The following FOXP2 variants were observed in gnomAD, a reference collection of about 807,000 sequenced individuals.
FOXP2 encodes the protein forkhead box P2, also known as forkhead box protein P2.
In FOXP2, 12 loss-of-function variants were observed where a neutral mutation model predicts 115.8. That is an observed-to-expected ratio of 0.10 (90% CI 0.07 to 0.17). The LOEUF (loss-of-function observed/expected upper bound fraction) is 0.17, where lower values mean the gene tolerates loss of function less well. Among genes scored for constraint, FOXP2 ranks in the 10% least tolerant of loss-of-function variants. The probability of loss-of-function intolerance (pLI) is 1.00; values close to 1 mark genes in which losing one functional copy is unlikely to be tolerated. For synonymous variants in FOXP2, 328 were observed against 297.7 expected, an observed-to-expected ratio of 1.10 and a Z score of -1.05; for missense variants, 629 against 843.5, an observed-to-expected ratio of 0.75 and a Z score of 3.15.
At chr7:114,467,286 A>C (rs1795844906) in intron 2 of FOXP2, among the ~76,000 whole-genome samples, 1 of 152,216 alleles carries the variant, frequency 6.6e-6, no homozygotes, top group Admixed American at 6.5e-5. Flanking sequence ...TGTGATACTC[A>C]TTTTAAATAT....
chr7:114,182,666 T>C (rs1161316621), intron 1 of FOXP2, among the ~76,000 whole-genome samples: 1 of 151,744 alleles, frequency 6.6e-6, no homozygotes, highest in Non-Finnish European at 1.5e-5. Context: ...AGTCATATAA[T>C]TAAAAGGCCT....
intron 2 of FOXP2, among the ~76,000 whole-genome samples, chr7:114,474,254 AG>A (rs1319412061): frequency 6.6e-6 from 1 of 152,222 alleles, no homozygotes; most frequent in East Asian, 1.9e-4. Flanking sequence ...AAATCTAAAG[AG>A]TATAACAGGA....
chr7:114,614,348 G>A (rs1271377529), intron 3 of FOXP2, among the ~76,000 whole-genome samples: 2 of 152,124 alleles, frequency 1.3e-5, no homozygotes, highest in Non-Finnish European at 1.5e-5. Context: ...ACCAACTGTA[G>A]TACGTTGCCC....
At chr7:114,533,820 A>G (rs1008935652) in intron 2 of FOXP2, among the ~76,000 whole-genome samples, 2 of 151,908 alleles carry the variant, frequency 1.3e-5, no homozygotes, top group African/African-American at 4.8e-5. Context: ...TAGCTTTTAT[A>G]TGTTAAGTTT....
chr7:114,493,728 T>C (rs372199392), intron 2 of FOXP2, among the ~76,000 whole-genome samples: 2 of 151,988 alleles, frequency 1.3e-5, no homozygotes, highest in East Asian at 3.9e-4. Context: ...GTGGATTTAC[T>C]AAAGAAAACT....
intron 1 of FOXP2, among the ~76,000 whole-genome samples, chr7:114,225,272 CT>C (rs1006879527): frequency 1.1e-4 from 17 of 151,948 alleles, no homozygotes; most frequent in Non-Finnish European, 1.3e-4. Flanking sequence ...GCATTTACTT[CT>C]TGCTGTAAAT....
At chr7:114,183,221 C>G (rs1793502464) in intron 1 of FOXP2, among the ~76,000 whole-genome samples, 1 of 152,118 alleles carries the variant, frequency 6.6e-6, no homozygotes, top group African/African-American at 2.4e-5. Context: ...ACTTTTGCAT[C>G]AATTTTTAAT....
intron 2 of FOXP2, among the ~76,000 whole-genome samples, chr7:114,454,229 A>C (rs986920572): frequency 3.3e-4 from 51 of 152,278 alleles, no homozygotes; most frequent in East Asian, 2.5e-3. Flanking sequence ...GACACTTCTC[A>C]AAAGAAGACA....
chr7:114,399,119 T>TC (rs1180229990), intron 2 of FOXP2, among the ~76,000 whole-genome samples: 16 of 151,168 alleles, frequency 1.1e-4, no homozygotes, highest in Non-Finnish European at 2.1e-4. Flanking sequence ...TTTTTCTTTT[T>TC]TTTTTTTTTG....
intron 13 of FOXP2, 48 bp from the exon 14 acceptor site, chr7:114,662,017 T>C (rs548817951): frequency 6.2e-6 from 10 of 1,608,246 alleles, no homozygotes; most frequent in African/African-American, 5.3e-5. Context: ...GCTGCCTTAT[T>C]AGACAATATT....
At chr7:114,473,051 A>G (rs954673502) in intron 2 of FOXP2, among the ~76,000 whole-genome samples, 9 of 152,362 alleles carry the variant, frequency 5.9e-5, no homozygotes, top group Admixed American at 3.3e-4. Flanking sequence ...CACACTTTGT[A>G]GATCAGGATA....
chr7:114,379,077 T>C (rs1236475098), intron 2 of FOXP2, among the ~76,000 whole-genome samples: 1 of 152,074 alleles, frequency 6.6e-6, no homozygotes, highest in Non-Finnish European at 1.5e-5. Context: ...TTTATTTTTA[T>C]TTTTATTTTT....
chr7:114,429,141 C>T (rs1793996784), intron 2 of FOXP2, among the ~76,000 whole-genome samples: 1 of 151,262 alleles, frequency 6.6e-6, no homozygotes, highest in South Asian at 2.1e-4. Flanking sequence ...CTTAAATTAG[C>T]CATGTATTTA....
chr7:114,531,241 C>T (rs370516141), intron 2 of FOXP2, among the ~76,000 whole-genome samples: 26 of 151,804 alleles, frequency 1.7e-4, no homozygotes, highest in Admixed American at 7.9e-4. Flanking sequence ...GACTAGATGG[C>T]GCAGAGAACT....
intron 2 of FOXP2, among the ~76,000 whole-genome samples, chr7:114,373,503 T>C (rs1209263039): frequency 3.9e-5 from 6 of 152,232 alleles, no homozygotes; most frequent in African/African-American, 1.4e-4. Context: ...TTTCTGTCAT[T>C]GCCTCCCTTC....
intron 2 of FOXP2, among the ~76,000 whole-genome samples, chr7:114,307,988 G>C: frequency 6.6e-6 from 1 of 152,082 alleles, no homozygotes; most frequent in East Asian, 1.9e-4. Flanking sequence ...CTAGATCTAG[G>C]AGGGAAGGAG....
intron 1 of FOXP2, among the ~76,000 whole-genome samples, chr7:114,176,427 C>T (rs936471804): frequency 4.0e-5 from 6 of 151,684 alleles, no homozygotes; most frequent in African/African-American, 1.2e-4. Flanking sequence ...CAGCCTCAAC[C>T]TCCCAGGTTC....
upstream of FOXP2, among the ~76,000 whole-genome samples, chr7:114,409,550 AT>A (rs755610921): frequency 6.6e-6 from 1 of 152,038 alleles, no homozygotes; most frequent in South Asian, 2.1e-4. Flanking sequence ...ATCTTTTTCC[AT>A]TTTCTTCATA....
chr7:114,238,419 A>C (rs1795066263), intron 1 of FOXP2, among the ~76,000 whole-genome samples: 1 of 152,206 alleles, frequency 6.6e-6, no homozygotes, highest in African/African-American at 2.4e-5. Flanking sequence ...TAGAAGAAAG[A>C]AAATATCTTT....
Sources: gnomAD v4.1 joint callset for allele counts (sites outside exome capture counted in the v4.1 genomes callset) on GRCh38, gnomAD v4.1.1 for gene constraint, MANE v1.5 for transcripts, NCBI Gene and HGNC (gene_info 2026-07-23, HGNC 2026-07-21) for gene names.